VGLL4: variants seen among roughly 807,000 people sequenced by gnomAD.
VGLL4 encodes the protein vestigial like family member 4.
Under a neutral mutation model 21.0 loss-of-function variants are expected in VGLL4, and 7 were observed. The ratio of observed to expected loss-of-function variants is 0.33; its 90% confidence interval spans 0.19 to 0.63. VGLL4 has a LOEUF of 0.63. Among genes scored for constraint, VGLL4 ranks in the 20% least tolerant of loss-of-function variants. VGLL4 has a pLI of 0.78. For missense variants in VGLL4, 394 were observed against 425.7 expected (o/e 0.93, Z 0.66); for synonymous variants, 222 against 173.2 (o/e 1.28, Z -2.21).
At chr3:11,691,444 G>C (rs888883165) in intron 2 of VGLL4, among the ~76,000 whole-genome samples, 1 of 152,036 alleles carries the variant, frequency 6.6e-6, no homozygotes. Context: ...CTCTATAGAA[G>C]AAAAACAAAA....
chr3:11,581,066 T>C (rs1056677091), intron 2 of VGLL4, among the ~76,000 whole-genome samples: 2 of 151,172 alleles, frequency 1.3e-5, no homozygotes, highest in Non-Finnish European at 3.0e-5. Flanking sequence ...GCAACTCCTT[T>C]TTTTTTTTTT....
At chr3:11,651,325 A>C (rs1315666957) in intron 2 of VGLL4, among the ~76,000 whole-genome samples, 3 of 149,690 alleles carry the variant, frequency 2.0e-5, no homozygotes, top group Non-Finnish European at 4.4e-5. Flanking sequence ...CCTAAGCGAT[A>C]GAGTGAGACT....
intron 2 of VGLL4, among the ~76,000 whole-genome samples, chr3:11,600,905 C>CCCT (rs1259184618): frequency 1.3e-5 from 2 of 152,158 alleles, no homozygotes; most frequent in East Asian, 3.9e-4. Context: ...CAAAGCTACT[C>CCCT]CCTCCAATAC....
chr3:11,663,187 G>A (rs1023373598), intron 2 of VGLL4, among the ~76,000 whole-genome samples: 5 of 152,134 alleles, frequency 3.3e-5, no homozygotes, highest in East Asian at 1.9e-4. Context: ...GGGGGCTGGA[G>A]GATGAGGATA....
At chr3:11,695,889 G>A (rs2076600895) in intron 2 of VGLL4, among the ~76,000 whole-genome samples, 1 of 152,192 alleles carries the variant, frequency 6.6e-6, no homozygotes, top group Non-Finnish European at 1.5e-5. Context: ...GATCACAGAA[G>A]GAAGTACTTA....
intron 2 of VGLL4, among the ~76,000 whole-genome samples, chr3:11,695,864 C>T (rs1037080310): frequency 6.6e-6 from 1 of 152,124 alleles, no homozygotes; most frequent in Admixed American, 6.6e-5. Flanking sequence ...GATAAGCCTC[C>T]AAACTATCCG....
intron 2 of VGLL4, among the ~76,000 whole-genome samples, chr3:11,693,730 G>A (rs1043353203): frequency 6.6e-6 from 1 of 152,166 alleles, no homozygotes; most frequent in Non-Finnish European, 1.5e-5. Flanking sequence ...ATGAACGGGG[G>A]ATGAAGGACT....
Position 11,677,820 on chromosome 3 carries a change from G to A in VGLL4, c.64+25151C>T, listed in dbSNP as rs531563665. On this transcript the variant is annotated intron_variant, in intron 2 of 5. Transcript: ENST00000273038. ...CTTGAGAGGTTGAGGCAGGGGAATC[G>A]CTTGAACCCGGGAGGCGGAGGTTGC... Among the ~76,000 whole-genome samples the A allele has an allele frequency of 1.8e-3, 261 of 148,616 alleles. 1 individual carries two copies. Among genetic ancestry groups the A allele is most frequent in the African/African-American group, 6.3e-3 (254 of 40,544 alleles).
chr3:11,642,313 G>GT lies in VGLL4; in HGVS notation c.82+1123dup, dbSNP rs559808984. On this transcript the variant is annotated intron_variant, in intron 1 of 4. Coordinates refer to ENST00000430365, the MANE Select transcript of VGLL4 (RefSeq NM_001128219.3). The stretch of plus-strand genomic sequence containing the variant: ...AACAACGTGAATGAGGGTTGTTGTT[G>GT]TTTTTTTTCCTTGAAGGGGAAAAAT... 2.4e-4 allele frequency among the ~76,000 whole-genome samples: 36 copies of GT among 151,972 alleles called. No individual in the cohort carries two copies. The South Asian group carries it at 6.9e-3, about 29-fold the overall frequency.
At chr3:11,595,847 G>GT (rs1177440396) in intron 2 of VGLL4, among the ~76,000 whole-genome samples, 4 of 2,472 alleles carry the variant, frequency 1.6e-3, no homozygotes, top group African/African-American at 3.1e-3. Context: ...GGTGTGGGGG[G>GT]GGCGGGGAAT....
Position 11,558,265 on chromosome 3 carries a change from G to T in VGLL4, c.*291C>A, listed in dbSNP as rs2072620446. On this transcript the variant is annotated 3_prime_UTR_variant, in exon 5 of 5. Coordinates refer to ENST00000430365, the MANE Select transcript of VGLL4 (RefSeq NM_001128219.3). The stretch of plus-strand genomic sequence containing the variant: ...GCTGTGGAGTCCTGGCCCCGTCGGG[G>T]CAGCAGACCTGCATCAGAGGTTTCT... The T allele has an allele frequency of 2.0e-6, 1 of 500,024 alleles. No homozygotes were observed. Among genetic ancestry groups the T allele is most frequent in the South Asian group, 3.0e-5 (1 of 32,946 alleles). The allele number at this position is 500,024 out of a possible 1,614,324, so 31.0% of individuals were successfully genotyped here.
At chr3:11,658,109 T>A (rs998473686) in intron 2 of VGLL4, among the ~76,000 whole-genome samples, 10 of 88,282 alleles carry the variant, frequency 1.1e-4, no homozygotes, top group Admixed American at 1.1e-3. Flanking sequence ...AATTTTTGTA[T>A]TTTTTTGTAG....
intron 2 of VGLL4, among the ~76,000 whole-genome samples, chr3:11,697,249 C>T (rs950812580): frequency 7.3e-5 from 11 of 151,212 alleles, no homozygotes; most frequent in Admixed American, 5.3e-4. Context: ...TGTAGGCACA[C>T]ACCACCACAC....
intron 1 of VGLL4, among the ~76,000 whole-genome samples, chr3:11,603,709 C>A (rs185858058): frequency 6.6e-6 from 1 of 152,170 alleles, no homozygotes; most frequent in Non-Finnish European, 1.5e-5. Context: ...TTTCTCAACA[C>A]CCCTGGCAGG....
At chr3:11,695,407 A>T (rs532196553) in intron 2 of VGLL4, among the ~76,000 whole-genome samples, 1 of 152,286 alleles carries the variant, frequency 6.6e-6, no homozygotes, top group Non-Finnish European at 1.5e-5. Flanking sequence ...AGGAGGAATG[A>T]TACTGGCCAC....
At chr3:11,602,081 C>G in intron 1 of VGLL4, 59 bp from the exon 2 acceptor site, 1 of 1,419,772 alleles carries the variant, frequency 7.0e-7, no homozygotes, top group Non-Finnish European at 9.2e-7. Context: ...TCTCAGTCCC[C>G]CAGGCTCCCC....
At chr3:11,577,160 A>G (rs1448494286) in intron 2 of VGLL4, among the ~76,000 whole-genome samples, 1 of 152,152 alleles carries the variant, frequency 6.6e-6, no homozygotes, top group African/African-American at 2.4e-5. Context: ...ACCCCCTAGA[A>G]ACGAGTGGTC....
chr3:11,561,880 G>A lies in VGLL4; in HGVS notation c.496-2425C>T, dbSNP rs369574441. On this transcript the variant is annotated intron_variant, in intron 3 of 4. Coordinates refer to ENST00000430365, the MANE Select transcript of VGLL4 (RefSeq NM_001128219.3). Reference sequence around the variant, plus strand: ...TATCTGAAAGCAACCCCCAAGGCTGGCTGCGCCAAACTTTTTTTTTTTTTT... The same window carrying A: ...TATCTGAAAGCAACCCCCAAGGCTGACTGCGCCAAACTTTTTTTTTTTTTT... Among the ~76,000 whole-genome samples the A allele has an allele frequency of 1.4e-5, 2 of 147,058 alleles. 1 individual carries two copies. The highest frequency in any genetic ancestry group is 4.0e-4 in the East Asian group (2 of 4,950).
At chr3:11,695,344 G>A (rs1013000794) in intron 2 of VGLL4, among the ~76,000 whole-genome samples, 3 of 151,994 alleles carry the variant, frequency 2.0e-5, no homozygotes, top group Non-Finnish European at 2.9e-5. Context: ...CACCATGCCC[G>A]GCCCAGGAAT....
Sources: allele counts gnomAD v4.1 joint callset (sites outside exome capture counted in the v4.1 genomes callset), GRCh38; gene constraint gnomAD v4.1.1; transcripts MANE v1.5; gene names NCBI Gene and HGNC (gene_info 2026-07-23, HGNC 2026-07-21).